Variants in PRICKLE1 observed in about 807,000 individuals in gnomAD.
The protein encoded by PRICKLE1 is prickle planar cell polarity protein 1.
Under a neutral mutation model 70.2 loss-of-function variants are expected in PRICKLE1, and 14 were observed. That is an observed-to-expected ratio of 0.20 (90% confidence interval 0.13 to 0.31). PRICKLE1 has a LOEUF of 0.31. PRICKLE1 is among the 10% of genes least tolerant of loss of function. The pLI is 1.00. For synonymous variants in PRICKLE1, 357 were observed against 379.9 expected, an observed-to-expected ratio of 0.94 and a Z score of 0.70; for missense variants, 821 against 1,026.2, an observed-to-expected ratio of 0.80 and a Z score of 2.73.
intron 1 of PRICKLE1, among the ~76,000 whole-genome samples, chr12:42,571,806 C>T (rs1211729616): frequency 6.6e-6 from 1 of 152,206 alleles, no homozygotes; most frequent in African/African-American, 2.4e-5. Flanking sequence ...TGTATGAGTA[C>T]ATGCCCCAGT....
chr12:42,478,735 T>C (rs971610733), intron 1 of PRICKLE1, among the ~76,000 whole-genome samples: 19 of 152,088 alleles, frequency 1.2e-4, no homozygotes, highest in Non-Finnish European at 2.5e-4. Flanking sequence ...TCTTTTTTTT[T>C]TTTTTTAGAA....
intron 1 of PRICKLE1, among the ~76,000 whole-genome samples, chr12:42,529,430 T>C (rs577020640): frequency 2.0e-5 from 3 of 152,274 alleles, no homozygotes; most frequent in Non-Finnish European, 4.4e-5. Flanking sequence ...TTGTCTACTT[T>C]CTTGGGAGAC....
At position 42,460,837 on chromosome 12, in the gene PRICKLE1, A is replaced by G. The variant is rs1420515913; in HGVS notation, c.1640-172T>C. 5.4e-6 allele frequency: 4 copies of G among 738,524 alleles called. No individual in the cohort carries two copies. In the East Asian group the frequency reaches 1.1e-4, roughly 20 times the overall value. 45.7% of individuals were successfully genotyped at this position (738,524 alleles called of 1,614,324 possible). A position where few individuals can be genotyped will look rare whatever the true frequency, so the allele number is the denominator to read the frequency against. On this transcript the variant is annotated intron_variant, in intron 7 of 7. Coordinates refer to ENST00000345127, the MANE Select transcript of PRICKLE1 (RefSeq NM_153026.3). ...CTATGCCAATTGAGAAGTGGTATAA[A>G]TGCAGTTATTGTTATAAGGGGTGGG...
intron 1 of PRICKLE1, among the ~76,000 whole-genome samples, chr12:42,579,307 C>T (rs1940859053): frequency 6.6e-6 from 1 of 152,134 alleles, no homozygotes; most frequent in Non-Finnish European, 1.5e-5. Flanking sequence ...CCTGAAGGGA[C>T]AGAGTGAGCT....
intron 2 of PRICKLE1, 74 bp downstream of exon 2, chr12:42,472,311 T>C: frequency 1.3e-6 from 2 of 1,533,898 alleles, no homozygotes; most frequent in Non-Finnish European, 1.8e-6. Context: ...TTCTATCCAT[T>C]TACAAAATAA....
intron 1 of PRICKLE1, among the ~76,000 whole-genome samples, chr12:42,491,717 A>G (rs1939107615): frequency 1.3e-5 from 2 of 151,214 alleles, no homozygotes; most frequent in Non-Finnish European, 3.0e-5. Context: ...ATGTTAAATG[A>G]GGGTGTGCAA....
At chr12:42,565,219 T>C (rs1364853355) in intron 1 of PRICKLE1, among the ~76,000 whole-genome samples, 1 of 152,110 alleles carries the variant, frequency 6.6e-6, no homozygotes, top group Non-Finnish European at 1.5e-5. Flanking sequence ...AGAGGGGAAG[T>C]GGGGCGGCCA....
intron 1 of PRICKLE1, among the ~76,000 whole-genome samples, chr12:42,588,713 C>T (rs913437754): frequency 6.6e-6 from 1 of 152,124 alleles, no homozygotes; most frequent in African/African-American, 2.4e-5. Context: ...TCTTCAGCCT[C>T]CTGAAGACAA....
chr12:42,521,929 GGTGTGT>G (rs72169209), intron 1 of PRICKLE1, among the ~76,000 whole-genome samples: 17,406 of 139,600 alleles, frequency 0.12, 1,212 homozygotes, highest in Non-Finnish European at 0.16. Context: ...GTTTGTTTTT[GGTGTGT>G]GTGTGTGTGT....
intron 1 of PRICKLE1, chr12:42,490,081 G>C (rs902989459): frequency 1.3e-5 from 2 of 152,122 alleles, no homozygotes; most frequent in African/African-American, 2.4e-5. Context: ...ATAAATGACT[G>C]GTCTAATTTT....
chr12:42,523,189 G>A (rs561084123), intron 1 of PRICKLE1, among the ~76,000 whole-genome samples: 342 of 152,184 alleles, frequency 2.2e-3, no homozygotes, highest in African/African-American at 7.7e-3. Context: ...GGATGGTCTC[G>A]AACTCCTGAC....
chr12:42,563,635 G>A (rs1169732688), intron 1 of PRICKLE1, among the ~76,000 whole-genome samples: 11 of 148,842 alleles, frequency 7.4e-5, no homozygotes, highest in African/African-American at 2.5e-4. Flanking sequence ...CCTGGGAGGC[G>A]GAGCTTGCAG....
chr12:42,527,962 T>TACAC (rs1566114362), intron 1 of PRICKLE1, among the ~76,000 whole-genome samples: 1 of 9,204 alleles, frequency 1.1e-4, no homozygotes, highest in African/African-American at 2.4e-4. Flanking sequence ...TATATATATA[T>TACAC]ATATATATAT....
chr12:42,567,030 G>A (rs1940631833), intron 1 of PRICKLE1, among the ~76,000 whole-genome samples: 1 of 152,128 alleles, frequency 6.6e-6, no homozygotes, highest in Non-Finnish European at 1.5e-5. Flanking sequence ...TATTCACAAT[G>A]GAACTAAACT....
intron 1 of PRICKLE1, among the ~76,000 whole-genome samples, chr12:42,497,762 C>T (rs1055369457): frequency 1.3e-5 from 2 of 152,066 alleles, no homozygotes; most frequent in African/African-American, 4.8e-5. Context: ...ATAAATGGTG[C>T]TGGTAGACTT....
intron 1 of PRICKLE1, among the ~76,000 whole-genome samples, chr12:42,481,092 G>A (rs1233850307): frequency 6.6e-6 from 1 of 152,182 alleles, no homozygotes; most frequent in Admixed American, 6.5e-5. Context: ...AGTATTAGGT[G>A]ATTGACATAC....
In PRICKLE1 at chr12:42,472,565, CT is replaced by C; in HGVS notation, c.-48-2del. ...GTCACAGGACATCAAACAATGGCTG[CT>C]GTGAACAATATAAGAAAAAACAAAG... On this transcript the variant is annotated splice_acceptor_variant, in intron 1 of 7. Coordinates refer to ENST00000345127, the MANE Select transcript of PRICKLE1 (RefSeq NM_153026.3). LOFTEE classifies it low-confidence loss of function (5UTR_SPLICE). The C allele has an allele frequency of 6.2e-7, 1 of 1,612,382 alleles. No individual in the cohort carries two copies. The highest frequency in any genetic ancestry group is 8.5e-7 in the Non-Finnish European group (1 of 1,178,660).
chr12:42,560,812 AC>A (rs1299466178), intron 1 of PRICKLE1, among the ~76,000 whole-genome samples: 10 of 125,124 alleles, frequency 8.0e-5, no homozygotes, highest in Non-Finnish European at 1.6e-4. Flanking sequence ...ACACACACAC[AC>A]ACACAAAACA....
chr12:42,576,258 C>T (rs778943864), intron 1 of PRICKLE1, among the ~76,000 whole-genome samples: 5 of 152,120 alleles, frequency 3.3e-5, no homozygotes, highest in Non-Finnish European at 7.4e-5. Flanking sequence ...CAAAACAGCC[C>T]CCATCACTTT....
Sources: allele counts gnomAD v4.1 joint callset (sites outside exome capture counted in the v4.1 genomes callset), GRCh38; gene constraint gnomAD v4.1.1; transcripts MANE v1.5; gene names NCBI Gene and HGNC (gene_info 2026-07-23, HGNC 2026-07-21).